COQ8B: variants seen among roughly 807,000 people sequenced by gnomAD.
The protein encoded by COQ8B is atypical kinase COQ8B, mitochondrial.
A neutral mutation model predicts 62.0 loss-of-function variants in COQ8B; 44 were observed. That is an observed-to-expected ratio of 0.71 (90% CI 0.56 to 0.91). The LOEUF is 0.91. COQ8B is among the 40% of genes least tolerant of loss of function. The pLI is 0.00. For synonymous variants in COQ8B, 252 were observed against 289.9 expected, an observed-to-expected ratio of 0.87 and a Z score of 1.33; for missense variants, 649 against 731.6, an observed-to-expected ratio of 0.89 and a Z score of 1.30.
At chr19:40,700,243 G>C in intron 11 of COQ8B, 67 bp downstream of exon 11, 2 of 1,611,962 alleles carry the variant, frequency 1.2e-6, no homozygotes, top group Non-Finnish European at 1.7e-6. Context: ...GGCCTGGAGA[G>C]AGACCATGAG....
intron 1 of COQ8B, among the ~76,000 whole-genome samples, chr19:40,716,216 C>T (rs568859086): frequency 3.9e-4 from 59 of 152,240 alleles, no homozygotes; most frequent in Admixed American, 1.1e-3. Flanking sequence ...CCCAATGTCT[C>T]CCCCAGTTGA....
At chr19:40,713,231 G>T (rs2082155810) in intron 4 of COQ8B, among the ~76,000 whole-genome samples, 1 of 152,130 alleles carries the variant, frequency 6.6e-6, no homozygotes, top group African/African-American at 2.4e-5. Context: ...GCGGCCAGGT[G>T]TGGTGGCTCA....
intron 9 of COQ8B, among the ~76,000 whole-genome samples, chr19:40,702,908 TGCA>T (rs1476741316): frequency 6.8e-6 from 1 of 147,812 alleles, no homozygotes; most frequent in Admixed American, 6.6e-5. Context: ...CGCTGCCCCT[TGCA>T]GCTCCTGCTC....
At chr19:40,707,317 T>C (rs532480990) in intron 5 of COQ8B, among the ~76,000 whole-genome samples, 161 of 152,030 alleles carry the variant, frequency 1.1e-3, no homozygotes, top group African/African-American at 3.7e-3. Context: ...GCAGTCACTC[T>C]TCATTTCCCC....
At chr19:40,706,556 C>G (rs2082102397) in intron 5 of COQ8B, among the ~76,000 whole-genome samples, 1 of 152,190 alleles carries the variant, frequency 6.6e-6, no homozygotes, top group African/African-American at 2.4e-5. Flanking sequence ...ACCTCCTGGG[C>G]CCAAGTGATC....
At chr19:40,707,034 C>G (rs1005120359) in intron 5 of COQ8B, among the ~76,000 whole-genome samples, 6 of 152,060 alleles carry the variant, frequency 3.9e-5, no homozygotes, top group Non-Finnish European at 5.9e-5. Context: ...CACTTTGGGA[C>G]GTCGGGGCGG....
chr19:40,695,362 G>A (rs1034634369), intron 13 of COQ8B, among the ~76,000 whole-genome samples: 9 of 101,632 alleles, frequency 8.9e-5, no homozygotes, highest in African/African-American at 2.2e-4. Flanking sequence ...AAAAGAAAAC[G>A]TTTAGATTGA....
At chr19:40,692,469 G>T in intron 14 of COQ8B, 96 bp from the exon 15 acceptor site, 1 of 1,078,152 alleles carries the variant, frequency 9.3e-7, no homozygotes, top group Non-Finnish European at 1.3e-6. Flanking sequence ...ACTCCCTCCA[G>T]TCTCCACCAT....
chr19:40,714,154 C>A, intron 3 of COQ8B, 21 bp from the exon 4 acceptor site: 1 of 1,613,358 alleles, frequency 6.2e-7, no homozygotes, highest in South Asian at 1.1e-5. Flanking sequence ...GGGACAAGGT[C>A]TGAGGGTGGG....
chr19:40,702,266 C>T (rs1018643767), intron 10 of COQ8B, among the ~76,000 whole-genome samples: 1 of 152,170 alleles, frequency 6.6e-6, no homozygotes, highest in East Asian at 1.9e-4. Context: ...TCTCTACCTC[C>T]CAGTGCTGTG....
At position 40,705,160 on chromosome 19, in the gene COQ8B, T is replaced by A; in HGVS notation, c.512A>T (p.Gln171Leu). The A allele has an allele frequency of 1.2e-6, 2 of 1,613,282 alleles. No individual in the cohort carries two copies. The highest frequency in any genetic ancestry group is 1.7e-6 in the Non-Finnish European group (2 of 1,179,680). The change falls in exon 7 of 15, where the codon CAG becomes CTG. Residue 171 changes from glutamine to leucine, a missense_variant. Transcript: ENST00000324464. ...SIQDNSFISP[Q>L]LQHIFERVRQ... ...GACCCGCTCAAAGATGTGCTGCAGC[T>A]GAGGGCTGATGAAGCTGTTGTCTTG... is the stretch of plus-strand genomic sequence containing the variant.
intron 12 of COQ8B, among the ~76,000 whole-genome samples, chr19:40,698,502 C>T (rs941199977): frequency 1.1e-4 from 17 of 151,684 alleles, no homozygotes; most frequent in Admixed American, 1.3e-4. Flanking sequence ...CGTGCCATTG[C>T]ACTCCAGCCT....
chr19:40,705,051 G>T, intron 7 of COQ8B, 45 bp downstream of exon 7: 1 of 1,532,938 alleles, frequency 6.5e-7, no homozygotes, highest in Non-Finnish European at 8.8e-7. Flanking sequence ...GGTCAGAGGA[G>T]ATGGAGCCTG....
intron 5 of COQ8B, chr19:40,707,973 C>T (rs1360061460): frequency 6.6e-6 from 1 of 152,168 alleles, no homozygotes; most frequent in African/African-American, 2.4e-5. Context: ...GAAAACGCAC[C>T]AAGCCATACA....
At chr19:40,710,460 G>A (rs1348579140) in intron 4 of COQ8B, among the ~76,000 whole-genome samples, 1 of 152,098 alleles carries the variant, frequency 6.6e-6, no homozygotes, top group African/African-American at 2.4e-5. Context: ...GTGTTGGCCA[G>A]GCTGGTCTCG....
intron 1 of COQ8B, chr19:40,715,537 A>G: frequency 1.0e-6 from 1 of 985,140 alleles, no homozygotes; most frequent in Non-Finnish European, 1.2e-6. Flanking sequence ...TTGCACAAAC[A>G]CCCACATTCT....
At chr19:40,695,304 C>A (rs4802083) in intron 13 of COQ8B, among the ~76,000 whole-genome samples, 3,290 of 91,472 alleles carry the variant, frequency 0.036, 51 homozygotes, top group Non-Finnish European at 0.05. Context: ...GGCGACAGAG[C>A]AAGACTCTGT....
intron 9 of COQ8B, 137 bp from the exon 10 acceptor site, chr19:40,702,830 C>T (rs1484481848): frequency 2.7e-5 from 20 of 751,944 alleles, no homozygotes; most frequent in African/African-American, 2.4e-4. Context: ...CACATCTGTC[C>T]CTCTCCTGTC....
In COQ8B at chr19:40,695,110, C is replaced by T. The variant is rs570839608; in HGVS notation, c.1209+879G>A. 2.4e-3 allele frequency among the ~76,000 whole-genome samples: 359 copies of T among 152,106 alleles called. 1 individual carries two copies. The highest frequency in any genetic ancestry group is 8.1e-3 in the African/African-American group (335 of 41,506). On this transcript the variant is annotated intron_variant, in intron 13 of 14. Transcript: ENST00000324464. ...AGGCAGGAGGATCACCTGAGGTCAG[C>T]AGTTCGAGACCAGCCTGGGCAACAT...
Sources: gnomAD v4.1 joint callset for allele counts (sites outside exome capture counted in the v4.1 genomes callset) on GRCh38, gnomAD v4.1.1 for gene constraint, MANE v1.5 for transcripts, NCBI Gene and HGNC (gene_info 2026-07-23, HGNC 2026-07-21) for gene names.